The following CHLSN variants were observed in gnomAD, a reference collection of about 807,000 sequenced individuals.
The protein encoded by CHLSN is protein cholesin.
chr7:996,381 G>C, the CHLSN span, among the ~76,000 whole-genome samples: 2 of 152,252 alleles, frequency 1.3e-5, no homozygotes, highest in African/African-American at 4.8e-5. Flanking sequence ...GGGGCACTCA[G>C]GGCCTGAGCC....
the CHLSN span, chr7:1,091,712 C>A: frequency 6.6e-7 from 1 of 1,505,084 alleles, no homozygotes; most frequent in Non-Finnish European, 8.9e-7. Flanking sequence ...ATCTTGAAAG[C>A]TGCACGGTGC....
the CHLSN span, chr7:1,022,831 C>T: frequency 3.1e-4 from 96 of 311,636 alleles, no homozygotes; most frequent in African/African-American, 2.0e-3. Context: ...ATGTTGATAC[C>T]GAATAAAACA....
At chr7:1,001,994 G>T in the CHLSN span, among the ~76,000 whole-genome samples, 1 of 98,618 alleles carries the variant, frequency 1.0e-5, no homozygotes, top group African/African-American at 4.2e-5. Context: ...TGGGTGGGGA[G>T]TCCTGTGGGT....
At chr7:993,408 C>T in the CHLSN span, among the ~76,000 whole-genome samples, 16 of 152,174 alleles carry the variant, frequency 1.1e-4, no homozygotes, top group Non-Finnish European at 1.5e-5. Flanking sequence ...CAGCTGGAGG[C>T]TGCCAGCGCT....
the CHLSN span, among the ~76,000 whole-genome samples, chr7:1,016,929 G>GCAGCACACGC: frequency 5.9e-5 from 6 of 101,874 alleles, no homozygotes; most frequent in South Asian, 6.0e-4. Flanking sequence ...GCAGCACACA[G>GCAGCACACGC]CAGCACACGC....
At chr7:984,211 G>A in the CHLSN span, among the ~76,000 whole-genome samples, 4 of 152,230 alleles carry the variant, frequency 2.6e-5, no homozygotes, top group African/African-American at 7.2e-5. Context: ...ACCAGATGGC[G>A]AGAGGGCTCT....
chr7:1,135,833 A>C, the CHLSN span, among the ~76,000 whole-genome samples: 5 of 139,548 alleles, frequency 3.6e-5, no homozygotes, highest in Non-Finnish European at 6.1e-5. Flanking sequence ...AAATATATAA[A>C]TATATTTACA....
the CHLSN span, among the ~76,000 whole-genome samples, chr7:981,874 A>G: frequency 6.6e-6 from 1 of 151,942 alleles, no homozygotes; most frequent in Non-Finnish European, 1.5e-5. Flanking sequence ...ACATAAATAA[A>G]TAAATAAAGT....
chr7:988,805 G>A, the CHLSN span: 1 of 1,584,824 alleles, frequency 6.3e-7, no homozygotes, highest in Non-Finnish European at 8.5e-7. Context: ...GGCCCTGTGT[G>A]CGGTGCCCAG....
the CHLSN span, chr7:1,091,723 A>G: frequency 6.6e-7 from 1 of 1,520,032 alleles, no homozygotes; most frequent in Non-Finnish European, 8.8e-7. Context: ...TGCACGGTGC[A>G]GAGACATGGA....
chr7:1,065,695 T>C, the CHLSN span, among the ~76,000 whole-genome samples: 3 of 152,162 alleles, frequency 2.0e-5, no homozygotes, highest in African/African-American at 2.4e-5. Context: ...CGGTCTCCCT[T>C]GCCGGGGTGC....
the CHLSN span, among the ~76,000 whole-genome samples, chr7:1,070,810 C>G: frequency 2.8e-5 from 3 of 106,082 alleles, no homozygotes; most frequent in African/African-American, 1.6e-4. Context: ...CACATGCACA[C>G]ACATCCACAC....
the CHLSN span, among the ~76,000 whole-genome samples, chr7:996,752 G>A: frequency 1.3e-5 from 2 of 152,254 alleles, no homozygotes; most frequent in Non-Finnish European, 2.9e-5. Flanking sequence ...AACAGGAAGT[G>A]TGTGGCTTGA....
the CHLSN span, among the ~76,000 whole-genome samples, chr7:1,014,059 T>C: frequency 1.3e-5 from 2 of 152,094 alleles, no homozygotes; most frequent in Admixed American, 1.3e-4. Context: ...TTTCACAACA[T>C]GGACACTTCC....
At chr7:1,015,799 C>T in the CHLSN span, among the ~76,000 whole-genome samples, 22 of 152,224 alleles carry the variant, frequency 1.4e-4, no homozygotes, top group African/African-American at 5.3e-4. Flanking sequence ...CGGGCTTCCT[C>T]GGTGGGCAGC....
At chr7:988,154 G>T in the CHLSN span, 1 of 1,202,754 alleles carries the variant, frequency 8.3e-7, no homozygotes, top group Non-Finnish European at 1.1e-6. Flanking sequence ...TCACCTGCAA[G>T]GTGGGCTAAC....
chr7:1,127,495 A>G, the CHLSN span: 1 of 1,026,328 alleles, frequency 9.7e-7, no homozygotes, highest in Non-Finnish European at 1.4e-6. Context: ...AAAAAAAAAG[A>G]GTATTATGGA....
chr7:1,001,672 T>TGGAGCCCTGCGGGTGG, the CHLSN span, among the ~76,000 whole-genome samples: 1 of 17,986 alleles, frequency 5.6e-5, no homozygotes, highest in African/African-American at 3.6e-4. Context: ...TGTGGGTGAG[T>TGGAGCCCTGCGGGTGG]GGAGTCCTGC....
chr7:1,044,935 G>A, the CHLSN span, among the ~76,000 whole-genome samples: 5 of 152,248 alleles, frequency 3.3e-5, no homozygotes, highest in Non-Finnish European at 7.3e-5. Flanking sequence ...GCGGCACAGC[G>A]CCGCCACCGG....
Sources: allele counts gnomAD v4.1 joint callset (sites outside exome capture counted in the v4.1 genomes callset), GRCh38; gene constraint gnomAD v4.1.1; transcripts MANE v1.5; gene names NCBI Gene and HGNC (gene_info 2026-07-23, HGNC 2026-07-21).